C8orf34: variants seen among roughly 807,000 people sequenced by gnomAD.
The protein encoded by C8orf34 is chromosome 8 open reading frame 34.
A neutral mutation model predicts 68.3 loss-of-function variants in C8orf34; 65 were observed. The observed-to-expected ratio is 0.95, with a 90% confidence interval of 0.78 to 1.17. The LOEUF (loss-of-function observed/expected upper bound fraction) is 1.17, where lower values mean the gene tolerates loss of function less well. Ranked by LOEUF, C8orf34 falls within the 50% of genes most tolerant of loss-of-function variation. The pLI, the probability that C8orf34 is intolerant of heterozygous loss-of-function variation, is 0.00. For synonymous variants in C8orf34, 244 were observed against 241.2 expected, an observed-to-expected ratio of 1.01 and a Z score of -0.11; for missense variants, 664 against 655.4, an observed-to-expected ratio of 1.01 and a Z score of -0.14.
chr8:68,575,066 A>T (rs6987650), intron 7 of C8orf34, among the ~76,000 whole-genome samples: 41,999 of 151,734 alleles, frequency 0.28, 7,000 homozygotes, highest in Non-Finnish European at 0.36. Flanking sequence ...TAAAATATAA[A>T]CTCAAAAATG....
In C8orf34 at chr8:68,640,480, G is replaced by T. The variant is rs1172754836; in HGVS notation, c.1210G>T (p.Val404Phe). The T allele has an allele frequency of 1.2e-6, 2 of 1,613,728 alleles. No individual in the cohort carries two copies. The highest frequency in any genetic ancestry group is 3.3e-5 in the Admixed American group (2 of 59,936). Residue 404 changes from valine (V) to phenylalanine (F), a missense_variant, in exon 8 of 14, where the codon GTC (valine) becomes TTC (phenylalanine). Physicochemically the swap from Val to Phe is conservative, Grantham distance 50 (BLOSUM62 -1). Transcript: ENST00000518698. ...PTYPAEPQAK[V>F]TLNICSRCAR... The stretch of plus-strand genomic sequence containing the variant: ...TTACCCTGCTGAGCCTCAGGCCAAG[G>T]TCACACTGAACATCTGTTCAAGGTG...
rs568847957 is a variant in C8orf34, at chr8:68,782,302, T to C, written c.1456-5141T>C. Among the ~76,000 whole-genome samples, 3 of 152,292 alleles carry C rather than the reference T, an allele frequency of 2.0e-5. No individual in the cohort carries two copies. In the South Asian group the frequency reaches 6.2e-4, roughly 32 times the overall value. ...AGTTTTAAATCTACAATTTTTTACATTTATGCTGTTTTTCGGTGTAGCTCA... is the reference window on the plus strand; with the variant it reads ...AGTTTTAAATCTACAATTTTTTACACTTATGCTGTTTTTCGGTGTAGCTCA... On this transcript the variant is annotated intron_variant, in intron 11 of 13. Transcript: ENST00000518698.
chr8:68,379,198 T>G (rs1397058278), intron 1 of C8orf34, among the ~76,000 whole-genome samples: 2 of 152,198 alleles, frequency 1.3e-5, no homozygotes, highest in Non-Finnish European at 2.9e-5. Context: ...CAGATCATTG[T>G]TTGAAGAGAG....
chr8:68,740,455 C>T (rs1174529229), intron 10 of C8orf34, among the ~76,000 whole-genome samples: 1 of 152,054 alleles, frequency 6.6e-6, no homozygotes, highest in Non-Finnish European at 1.5e-5. Context: ...CAAAAGAAGA[C>T]CTACATGCAG....
chr8:68,551,652 G>A (rs1816075967), intron 7 of C8orf34, among the ~76,000 whole-genome samples: 1 of 152,052 alleles, frequency 6.6e-6, no homozygotes, highest in Non-Finnish European at 1.5e-5. Context: ...AACTGCTGTA[G>A]ATATGCCTTT....
chr8:68,359,001 T>C (rs13262740), intron 1 of C8orf34, among the ~76,000 whole-genome samples: 63,558 of 151,926 alleles, frequency 0.42, 13,387 homozygotes, highest in Non-Finnish European at 0.45. Context: ...AACTGGCCTA[T>C]ATATTTATTT....
chr8:68,401,861 TTGTGTG>T (rs34713905), intron 1 of C8orf34, among the ~76,000 whole-genome samples: 1 of 148,952 alleles, frequency 6.7e-6, no homozygotes, highest in Non-Finnish European at 1.5e-5. Context: ...CAGTTCTCTT[TTGTGTG>T]TGTGTGTGTG....
intron 1 of C8orf34, among the ~76,000 whole-genome samples, chr8:68,384,155 A>G (rs1435756711): frequency 1.3e-5 from 2 of 152,238 alleles, no homozygotes; most frequent in African/African-American, 4.8e-5. Context: ...TCTATTTTCT[A>G]AGACTATTAT....
At chr8:68,437,150 T>C (rs1810699713) in intron 1 of C8orf34, among the ~76,000 whole-genome samples, 1 of 152,188 alleles carries the variant, frequency 6.6e-6, no homozygotes, top group Admixed American at 6.5e-5. Context: ...ACAATACAAA[T>C]TTATCCAAAA....
intron 12 of C8orf34, chr8:68,791,186 T>G (rs963666896): frequency 5.2e-5 from 21 of 405,306 alleles, no homozygotes; most frequent in African/African-American, 1.0e-4. Context: ...CAGTTCCCCA[T>G]GTCTGGGGAG....
chr8:68,361,519 A>G (rs1292308804), intron 1 of C8orf34, among the ~76,000 whole-genome samples: 1 of 152,238 alleles, frequency 6.6e-6, no homozygotes, highest in Non-Finnish European at 1.5e-5. Flanking sequence ...ACATTACTCT[A>G]TCCAACTATC....
chr8:68,674,349 CT>C (rs766775526), intron 8 of C8orf34, among the ~76,000 whole-genome samples: 5 of 152,106 alleles, frequency 3.3e-5, no homozygotes, highest in Non-Finnish European at 5.9e-5. Context: ...GAGATATGAT[CT>C]TTCAGACAAA....
chr8:68,465,103 A>G (rs1230610927), intron 3 of C8orf34, among the ~76,000 whole-genome samples: 2 of 152,148 alleles, frequency 1.3e-5, no homozygotes, highest in African/African-American at 4.8e-5. Flanking sequence ...CAAATTTACA[A>G]GAAAAAAACA....
At chr8:68,816,612 A>G (rs1446778029) in intron 13 of C8orf34, among the ~76,000 whole-genome samples, 2 of 152,038 alleles carry the variant, frequency 1.3e-5, no homozygotes, top group South Asian at 4.2e-4. Flanking sequence ...CTACATAAAC[A>G]CCTTGAGTAA....
At chr8:68,626,081 A>G (rs758569824) in intron 7 of C8orf34, among the ~76,000 whole-genome samples, 46 of 152,184 alleles carry the variant, frequency 3.0e-4, no homozygotes, top group Non-Finnish European at 4.8e-4. Context: ...TTTGCAAGAG[A>G]GCAATGTTTA....
At chr8:68,431,823 A>G (rs79350036) in intron 1 of C8orf34, among the ~76,000 whole-genome samples, 7,940 of 152,278 alleles carry the variant, frequency 0.052, 242 homozygotes, top group Middle Eastern at 0.11. Flanking sequence ...CAGCTTTACA[A>G]TTTAGAATGT....
rs185277477 is a variant in C8orf34, at chr8:68,771,626, C to T, written c.1405-4773C>T. Among the ~76,000 whole-genome samples, 386 of 152,122 alleles carry T rather than the reference C, an allele frequency of 2.5e-3. 2 individuals are homozygous for T. The highest frequency in any genetic ancestry group is 3.3e-3 in the Non-Finnish European group (226 of 67,980). ...TTCCTCCTTAAGCAGCTCCTTTATC[C>T]GGACTAATGACTAAGATTTCAGGAC... On this transcript the variant is annotated intron_variant, in intron 10 of 13. Transcript: ENST00000518698.
At chr8:68,563,252 G>T (rs1240042060) in intron 7 of C8orf34, among the ~76,000 whole-genome samples, 1 of 152,096 alleles carries the variant, frequency 6.6e-6, no homozygotes, top group African/African-American at 2.4e-5. Context: ...TCAAAGTAAG[G>T]ATGTATGCAA....
intron 7 of C8orf34, among the ~76,000 whole-genome samples, chr8:68,627,607 A>C (rs1434927): frequency 0.33 from 49,850 of 152,118 alleles, 9,693 homozygotes; most frequent in Non-Finnish European, 0.43. Context: ...GAGAATAATA[A>C]AGATGCACTC....
Sources: gnomAD v4.1 joint callset for allele counts (sites outside exome capture counted in the v4.1 genomes callset) on GRCh38, gnomAD v4.1.1 for gene constraint, MANE v1.5 for transcripts, NCBI Gene and HGNC (gene_info 2026-07-23, HGNC 2026-07-21) for gene names.